The following GULP1 variants were observed in gnomAD, a reference collection of about 807,000 sequenced individuals.
GULP1 encodes the protein GULP PTB domain containing engulfment adaptor 1, also known as PTB domain-containing engulfment adapter protein 1.
A neutral mutation model predicts 40.9 loss-of-function variants in GULP1; 19 were observed. The ratio of observed to expected loss-of-function variants is 0.46; its 90% confidence interval spans 0.32 to 0.68. The LOEUF (loss-of-function observed/expected upper bound fraction) is 0.68, where lower values mean the gene tolerates loss of function less well. GULP1 is among the 30% of genes least tolerant of loss of function. The pLI is 0.03. For synonymous variants in GULP1, 119 were observed against 117.6 expected (o/e 1.01, Z -0.08); for missense variants, 312 against 362.2 (o/e 0.86, Z 1.12).
chr2:188,442,868 C>T (rs943737970), intron 2 of GULP1, among the ~76,000 whole-genome samples: 2 of 152,164 alleles, frequency 1.3e-5, no homozygotes, highest in African/African-American at 2.4e-5. Flanking sequence ...TCTGTCCCTT[C>T]TCTCAGCTTC....
intron 1 of GULP1, among the ~76,000 whole-genome samples, chr2:188,373,437 A>G (rs2047877046): frequency 6.6e-6 from 1 of 151,986 alleles, no homozygotes; most frequent in South Asian, 2.1e-4. Context: ...TCCAGTTTTC[A>G]ATACTGAAAT....
intron 6 of GULP1, among the ~76,000 whole-genome samples, chr2:188,535,324 C>G (rs1244767755): frequency 6.6e-6 from 1 of 151,998 alleles, no homozygotes; most frequent in Non-Finnish European, 1.5e-5. Context: ...GTTAGTTTTT[C>G]AATCCTTAAC....
chr2:188,484,382 G>A (rs1440713686), intron 4 of GULP1, among the ~76,000 whole-genome samples: 2 of 152,100 alleles, frequency 1.3e-5, no homozygotes, highest in Admixed American at 6.6e-5. Flanking sequence ...TTAAAGAAAG[G>A]TGCTATTTTG....
intron 1 of GULP1, among the ~76,000 whole-genome samples, chr2:188,339,460 T>G (rs2042690261): frequency 6.6e-6 from 1 of 152,210 alleles, no homozygotes; most frequent in Admixed American, 6.5e-5. Context: ...GAACATCTTT[T>G]TGGCTGTCTT....
intron 2 of GULP1, among the ~76,000 whole-genome samples, chr2:188,441,257 A>G (rs536369173): frequency 6.6e-6 from 1 of 152,320 alleles, no homozygotes; most frequent in South Asian, 2.1e-4. Context: ...CAAATCTCCC[A>G]GCACATATAA....
At chr2:188,391,097 T>C (rs758961920) in intron 2 of GULP1, among the ~76,000 whole-genome samples, 2 of 152,138 alleles carry the variant, frequency 1.3e-5, no homozygotes, top group Non-Finnish European at 2.9e-5. Context: ...TTGAGCACTT[T>C]TTTTCATTTC....
At chr2:188,319,769 A>G (rs1434940162) in intron 1 of GULP1, among the ~76,000 whole-genome samples, 2 of 152,142 alleles carry the variant, frequency 1.3e-5, no homozygotes, top group African/African-American at 4.8e-5. Context: ...AGCCATAAAT[A>G]CTTATTACAA....
At chr2:188,323,667 T>A (rs201846957) in intron 1 of GULP1, among the ~76,000 whole-genome samples, 65,142 of 127,688 alleles carry the variant, frequency 0.51, 14,601 homozygotes, top group East Asian at 0.72. Context: ...TGTGTGTGTG[T>A]GTGTGTGTGT....
Position 188,342,828 on chromosome 2 carries a change from A to G in GULP1, c.-171-40935A>G, listed in dbSNP as rs1388088424. ...TATATCTTTCTGTTATTCCCAGGATATATACTATTACAGATGTACTTTTAG... is the reference window on the plus strand; with the variant it reads ...TATATCTTTCTGTTATTCCCAGGATGTATACTATTACAGATGTACTTTTAG... On this transcript the variant is annotated intron_variant, in intron 1 of 11. Coordinates refer to ENST00000409830, the MANE Select transcript of GULP1 (RefSeq NM_016315.4). Among the ~76,000 whole-genome samples the G allele has an allele frequency of 2.6e-5, 4 of 152,192 alleles. No individual in the cohort carries two copies. In the East Asian group the frequency reaches 7.7e-4, roughly 29 times the overall value.
rs200161105 is a variant in GULP1 at position 188,540,058 on chromosome 2, A to G, written c.262-1123A>G. Among the ~76,000 whole-genome samples, 42 of 152,234 alleles carry G rather than the reference A, an allele frequency of 2.8e-4. No individual in the cohort carries two copies. The East Asian group carries it at 4.6e-3, about 17-fold the overall frequency. ...GGGATATTCAGCCAGCCTTCCTTAGATGAAACTGTAGTTGCTTCCATCTCC... is the reference window on the plus strand; with the variant it reads ...GGGATATTCAGCCAGCCTTCCTTAGGTGAAACTGTAGTTGCTTCCATCTCC... On this transcript the variant is annotated intron_variant, in intron 6 of 11. Transcript: ENST00000409830.
chr2:188,402,047 C>G (rs1281970154), intron 2 of GULP1, among the ~76,000 whole-genome samples: 1 of 151,988 alleles, frequency 6.6e-6, no homozygotes, highest in African/African-American at 2.4e-5. Flanking sequence ...CTTTTCTCTC[C>G]CTTCCCCTCC....
chr2:188,511,815 A>C (rs549280528), intron 4 of GULP1, among the ~76,000 whole-genome samples: 233 of 152,328 alleles, frequency 1.5e-3, no homozygotes, highest in African/African-American at 5.3e-3. Context: ...TGGACTTTTT[A>C]ATACTCAGTC....
At chr2:188,462,781 T>C (rs1194985067) in intron 2 of GULP1, among the ~76,000 whole-genome samples, 2 of 152,148 alleles carry the variant, frequency 1.3e-5, no homozygotes, top group South Asian at 2.1e-4. Flanking sequence ...ATTCATTATA[T>C]ATTTTTTTGC....
intron 6 of GULP1, among the ~76,000 whole-genome samples, chr2:188,534,842 C>A (rs1559352496): frequency 1.3e-5 from 2 of 151,962 alleles, no homozygotes; most frequent in Admixed American, 6.6e-5. Context: ...GCATGCTTCT[C>A]CCAACCTAAA....
intron 1 of GULP1, among the ~76,000 whole-genome samples, chr2:188,299,637 G>A (rs1440989860): frequency 6.6e-6 from 1 of 152,202 alleles, no homozygotes; most frequent in African/African-American, 2.4e-5. Flanking sequence ...TTTTGTAGTT[G>A]TGTGATTAGT....
intron 1 of GULP1, among the ~76,000 whole-genome samples, chr2:188,320,467 A>C (rs13404958): frequency 0.15 from 23,031 of 152,146 alleles, 1,898 homozygotes; most frequent in African/African-American, 0.17. Context: ...ATGTTTTCAC[A>C]TATCTCTGTG....
At chr2:188,449,270 T>A (rs1002728181) in intron 2 of GULP1, among the ~76,000 whole-genome samples, 1 of 152,218 alleles carries the variant, frequency 6.6e-6, no homozygotes, top group Non-Finnish European at 1.5e-5. Flanking sequence ...TCTATTTTCA[T>A]TTATCTTATC....
intron 1 of GULP1, among the ~76,000 whole-genome samples, chr2:188,359,511 G>A (rs2045810467): frequency 6.6e-6 from 1 of 152,082 alleles, no homozygotes; most frequent in Non-Finnish European, 1.5e-5. Context: ...TGTATTTCCT[G>A]TTATCATATG....
chr2:188,509,703 A>G (rs1347562191), intron 4 of GULP1, among the ~76,000 whole-genome samples: 3 of 152,092 alleles, frequency 2.0e-5, no homozygotes, highest in Non-Finnish European at 4.4e-5. Flanking sequence ...GTTCAAAGCA[A>G]ACAATAATCA....
Sources: allele counts gnomAD v4.1 joint callset (sites outside exome capture counted in the v4.1 genomes callset), GRCh38; gene constraint gnomAD v4.1.1; transcripts MANE v1.5; gene names NCBI Gene and HGNC (gene_info 2026-07-23, HGNC 2026-07-21).